Variants in RARB observed in about 807,000 individuals in gnomAD.
RARB encodes retinoic acid receptor beta.
In RARB, 17 loss-of-function variants were observed where a neutral mutation model predicts 51.9. That is an observed-to-expected ratio of 0.33 (90% CI 0.22 to 0.49). The LOEUF is 0.49. Among genes scored for constraint, RARB ranks in the 20% least tolerant of loss-of-function variants. The pLI, the probability that RARB is intolerant of heterozygous loss-of-function variation, is 0.99. For synonymous variants in RARB, 215 were observed against 195.4 expected, an observed-to-expected ratio of 1.10 and a Z score of -0.84; for missense variants, 369 against 550.8, an observed-to-expected ratio of 0.67 and a Z score of 3.30.
At chr3:25,062,835 A>G (rs995563040) in intron 3 of RARB, among the ~76,000 whole-genome samples, 1 of 152,000 alleles carries the variant, frequency 6.6e-6, no homozygotes, top group Non-Finnish European at 1.5e-5. Context: ...AATGTTATCA[A>G]ATTAGACCAT....
At chr3:25,377,028 T>G (rs983011604) in intron 5 of RARB, among the ~76,000 whole-genome samples, 1 of 152,166 alleles carries the variant, frequency 6.6e-6, no homozygotes, top group African/African-American at 2.4e-5. Context: ...TTTGTTTGTT[T>G]GTTTGTTTGT....
intron 4 of RARB, among the ~76,000 whole-genome samples, chr3:25,169,989 TAAAAAAAAA>T (rs58403240): frequency 8.0e-5 from 11 of 137,450 alleles, no homozygotes; most frequent in Admixed American, 2.9e-4. Flanking sequence ...CCTTATTTCT[TAAAAAAAAA>T]AAAAAAAAAA....
intron 4 of RARB, among the ~76,000 whole-genome samples, chr3:25,150,529 C>A (rs1232107750): frequency 6.6e-6 from 1 of 151,062 alleles, no homozygotes; most frequent in Non-Finnish European, 1.5e-5. Context: ...CAAAAAAGAT[C>A]ATTCTACCTT....
intron 5 of RARB, among the ~76,000 whole-genome samples, chr3:25,364,440 A>G (rs1706049775): frequency 1.3e-5 from 2 of 152,222 alleles, no homozygotes; most frequent in South Asian, 4.1e-4. Flanking sequence ...AAATTTACAC[A>G]AAATGTGGGC....
At chr3:25,268,493 CT>C (rs1019500799) in intron 5 of RARB, among the ~76,000 whole-genome samples, 7 of 152,228 alleles carry the variant, frequency 4.6e-5, no homozygotes, top group Admixed American at 4.6e-4. Context: ...TATTTCGACC[CT>C]GGTCCTCACC....
chr3:24,839,498 G>C (rs903405090), intron 1 of RARB, among the ~76,000 whole-genome samples: 6 of 150,276 alleles, frequency 4.0e-5, no homozygotes, highest in African/African-American at 1.5e-4. Flanking sequence ...CCAGGAGTTC[G>C]AGACCAGCCT....
At chr3:25,187,871 T>A (rs1327095704) in intron 5 of RARB, among the ~76,000 whole-genome samples, 2 of 152,114 alleles carry the variant, frequency 1.3e-5, no homozygotes, top group Non-Finnish European at 2.9e-5. Flanking sequence ...AATAAATGTT[T>A]TAGTGTGTTT....
chr3:24,935,376 A>G (rs1575079536), intron 2 of RARB, among the ~76,000 whole-genome samples: 2 of 152,110 alleles, frequency 1.3e-5, no homozygotes, highest in African/African-American at 4.8e-5. Context: ...ACCCACACAC[A>G]CCCACACTCT....
At chr3:25,495,246 G>A (rs1696966353) in intron 2 of RARB, among the ~76,000 whole-genome samples, 1 of 152,216 alleles carries the variant, frequency 6.6e-6, no homozygotes, top group East Asian at 1.9e-4. Flanking sequence ...GAGGGTATCA[G>A]AGGAGGGAAG....
intron 5 of RARB, among the ~76,000 whole-genome samples, chr3:25,327,557 C>T (rs570951805): frequency 7.9e-5 from 12 of 152,146 alleles, no homozygotes; most frequent in Non-Finnish European, 1.2e-4. Flanking sequence ...GGAATAGAGA[C>T]GTCTTTAGAT....
At chr3:25,592,853 T>C (rs1051428711) in intron 5 of RARB, among the ~76,000 whole-genome samples, 1 of 152,202 alleles carries the variant, frequency 6.6e-6, no homozygotes, top group Non-Finnish European at 1.5e-5. Flanking sequence ...CCCTAGTACC[T>C]TGCTGGTTTC....
chr3:25,327,419 A>G (rs1054749272), intron 5 of RARB, among the ~76,000 whole-genome samples: 1 of 152,196 alleles, frequency 6.6e-6, no homozygotes, highest in African/African-American at 2.4e-5. Context: ...GGAATCAGAA[A>G]GACATCAGAC....
At chr3:25,179,744 G>A (rs1700825383) in intron 5 of RARB, among the ~76,000 whole-genome samples, 1 of 152,068 alleles carries the variant, frequency 6.6e-6, no homozygotes, top group African/African-American at 2.4e-5. Flanking sequence ...GTATTTAAGA[G>A]GCCATTCCTT....
chr3:25,030,124 A>G (rs1697837800), intron 2 of RARB, among the ~76,000 whole-genome samples: 1 of 152,208 alleles, frequency 6.6e-6, no homozygotes, highest in South Asian at 2.1e-4. Context: ...GCTAGTCAAT[A>G]CCTTTTCTAT....
chr3:25,169,382 C>G (rs1276029119), intron 4 of RARB, among the ~76,000 whole-genome samples: 1 of 152,160 alleles, frequency 6.6e-6, no homozygotes, highest in African/African-American at 2.4e-5. Context: ...TCATTTATCA[C>G]ATGACATGCC....
chr3:25,339,921 T>C (rs1705179790), intron 5 of RARB, among the ~76,000 whole-genome samples: 1 of 152,138 alleles, frequency 6.6e-6, no homozygotes, highest in South Asian at 2.1e-4. Flanking sequence ...TATATTGCAA[T>C]TTAAACAATT....
intron 3 of RARB, among the ~76,000 whole-genome samples, chr3:25,131,922 A>G (rs1019466327): frequency 1.3e-5 from 2 of 151,990 alleles, no homozygotes; most frequent in South Asian, 2.1e-4. Context: ...CTTGGAAGAA[A>G]GAATAAAAGG....
chr3:25,174,467 C>A (rs1399226180), exon 5 of RARB: 1 of 1,352,152 alleles, frequency 7.4e-7, no homozygotes, highest in Non-Finnish European at 9.8e-7. Context: ...TCCAGCCACA[C>A]CCTACCCGTT....
chr3:24,995,707 AC>A (rs1266479455), intron 2 of RARB, among the ~76,000 whole-genome samples: 3 of 152,004 alleles, frequency 2.0e-5, no homozygotes, highest in African/African-American at 7.2e-5. Flanking sequence ...AACTTTTTCT[AC>A]ATCTATTGAG....
Sources: gnomAD v4.1 joint callset for allele counts (sites outside exome capture counted in the v4.1 genomes callset) on GRCh38, gnomAD v4.1.1 for gene constraint, MANE v1.5 for transcripts, NCBI Gene and HGNC (gene_info 2026-07-23, HGNC 2026-07-21) for gene names.